ANAPC10: variants seen among roughly 807,000 people sequenced by gnomAD.
ANAPC10 encodes anaphase promoting complex subunit 10.
In ANAPC10, 12 loss-of-function variants were observed where a neutral mutation model predicts 22.0. The ratio of observed to expected loss-of-function variants is 0.55; its 90% CI spans 0.35 to 0.88. The LOEUF (loss-of-function observed/expected upper bound fraction) is 0.88. Among genes scored for constraint, ANAPC10 ranks in the 40% least tolerant of loss-of-function variants. The pLI, the probability that ANAPC10 is intolerant of heterozygous loss-of-function variation, is 0.01. For missense variants in ANAPC10, 188 were observed against 220.9 expected (o/e 0.85, Z 0.94); for synonymous variants, 65 against 69.5 (o/e 0.94, Z 0.32).
intron 4 of ANAPC10, among the ~76,000 whole-genome samples, chr4:145,027,685 C>A (rs1278563893): frequency 6.6e-6 from 1 of 152,158 alleles, no homozygotes; most frequent in African/African-American, 2.4e-5. Context: ...AACATTTACG[C>A]CAAAACTATG....
intron 2 of ANAPC10, among the ~76,000 whole-genome samples, chr4:145,095,544 C>T (rs1306753438): frequency 1.3e-5 from 2 of 152,198 alleles, no homozygotes; most frequent in African/African-American, 2.4e-5. Flanking sequence ...GCTCCTCCTT[C>T]TGAAGTATTG....
intron 4 of ANAPC10, among the ~76,000 whole-genome samples, chr4:145,045,504 A>G (rs1740168854): frequency 6.6e-6 from 1 of 152,156 alleles, no homozygotes; most frequent in African/African-American, 2.4e-5. Flanking sequence ...ACTGGATTAC[A>G]GAATACTGCC....
chr4:145,005,034 T>C (rs893395481), intron 4 of ANAPC10, among the ~76,000 whole-genome samples: 1 of 152,184 alleles, frequency 6.6e-6, no homozygotes, highest in African/African-American at 2.4e-5. Flanking sequence ...TTGATCTGTT[T>C]AGGGATTCAA....
At chr4:144,995,903 G>A (rs1215820881) in intron 4 of ANAPC10, among the ~76,000 whole-genome samples, 1 of 152,178 alleles carries the variant, frequency 6.6e-6, no homozygotes, top group African/African-American at 2.4e-5. Context: ...ACACTAGAAA[G>A]TACATGTCTC....
Position 145,054,604 on chromosome 4 carries a change from A to AGTGT in ANAPC10, c.327+9964_327+9967dup, listed in dbSNP as rs70956823. 2.9e-3 allele frequency among the ~76,000 whole-genome samples: 374 copies of AGTGT among 128,314 alleles called. 2 individuals carry two copies. Among genetic ancestry groups the AGTGT allele is most frequent in the African/African-American group, 0.01 (339 of 33,506 alleles). 84.2% of individuals were successfully genotyped at this position (128,314 alleles called of 152,430 possible). A position where few individuals can be genotyped will look rare whatever the true frequency, so the allele number is the denominator to read the frequency against. ...CACAGGATGAGGGGACATACTGAAT[A>AGTGT]GTGTGTGTGTGTGTGTGTGTGTGTG... On this transcript the variant is annotated intron_variant, in intron 4 of 4. Coordinates refer to ENST00000507656, the MANE Select transcript of ANAPC10 (RefSeq NM_001256706.2).
intron 4 of ANAPC10, among the ~76,000 whole-genome samples, chr4:145,015,202 GA>G (rs768112782): frequency 3.3e-5 from 5 of 151,928 alleles, no homozygotes; most frequent in Admixed American, 6.6e-5. Flanking sequence ...TACAAGAAGT[GA>G]AAGGAGAGAT....
At chr4:145,015,223 AATAG>A (rs1734923458) in intron 4 of ANAPC10, among the ~76,000 whole-genome samples, 2 of 152,186 alleles carry the variant, frequency 1.3e-5, no homozygotes, top group East Asian at 1.9e-4. Context: ...TATTCAAGGA[AATAG>A]ATAGCATAAA....
intron 4 of ANAPC10, among the ~76,000 whole-genome samples, chr4:145,034,117 T>C (rs1738060778): frequency 6.6e-6 from 1 of 152,124 alleles, no homozygotes; most frequent in South Asian, 2.1e-4. Context: ...TACATATAGG[T>C]TCAAGTTGAC....
At chr4:145,033,683 CT>C (rs1737982887) in intron 4 of ANAPC10, among the ~76,000 whole-genome samples, 1 of 152,116 alleles carries the variant, frequency 6.6e-6, no homozygotes, top group Non-Finnish European at 1.5e-5. Flanking sequence ...AGGAACAAAG[CT>C]TTGGGTCACT....
intron 4 of ANAPC10, among the ~76,000 whole-genome samples, chr4:145,046,592 ATTC>A (rs1560871572): frequency 6.6e-6 from 1 of 152,080 alleles, no homozygotes; most frequent in African/African-American, 2.4e-5. Context: ...AAATTGCTAA[ATTC>A]TTGCTTTACA....
At chr4:145,074,104 GC>G (rs1343367012) in intron 3 of ANAPC10, among the ~76,000 whole-genome samples, 1 of 151,418 alleles carries the variant, frequency 6.6e-6, no homozygotes, top group East Asian at 1.9e-4. Flanking sequence ...AAGAGAATTA[GC>G]CCTTTACAAA....
At chr4:145,067,026 A>T (rs1743803271) in intron 3 of ANAPC10, among the ~76,000 whole-genome samples, 1 of 145,710 alleles carries the variant, frequency 6.9e-6, no homozygotes, top group Non-Finnish European at 1.6e-5. Flanking sequence ...TACCCACAGA[A>T]ATCGTACGTA....
chr4:145,094,800 A>G (rs1190525394), intron 2 of ANAPC10, among the ~76,000 whole-genome samples: 2 of 145,264 alleles, frequency 1.4e-5, no homozygotes, highest in Admixed American at 6.8e-5. Flanking sequence ...GTTACTTAGG[A>G]AAAAAAAAAA....
chr4:145,089,454 A>G (rs1023948818), intron 2 of ANAPC10, among the ~76,000 whole-genome samples: 7 of 152,166 alleles, frequency 4.6e-5, no homozygotes, highest in Non-Finnish European at 1.0e-4. Flanking sequence ...TCAACATTGG[A>G]TTAATTTGGT....
chr4:145,093,383 T>G (rs1747987153), intron 2 of ANAPC10, among the ~76,000 whole-genome samples: 1 of 151,984 alleles, frequency 6.6e-6, no homozygotes, highest in Non-Finnish European at 1.5e-5. Context: ...GGCACCCATT[T>G]CAAGGTGTAA....
intron 4 of ANAPC10, among the ~76,000 whole-genome samples, chr4:145,045,505 G>C (rs2127164109): frequency 6.6e-6 from 1 of 152,190 alleles, no homozygotes; most frequent in African/African-American, 2.4e-5. Context: ...CTGGATTACA[G>C]AATACTGCCA....
At chr4:145,039,247 A>G (rs1579000163) in intron 4 of ANAPC10, among the ~76,000 whole-genome samples, 1 of 152,268 alleles carries the variant, frequency 6.6e-6, no homozygotes, top group Non-Finnish European at 1.5e-5. Flanking sequence ...TTTTCAAACT[A>G]GAATTCCACA....
chr4:145,033,699 C>A (rs1016389263), intron 4 of ANAPC10, among the ~76,000 whole-genome samples: 9 of 152,070 alleles, frequency 5.9e-5, no homozygotes, highest in Admixed American at 5.9e-4. Flanking sequence ...GTCACTCCAC[C>A]AGGAAAAAAA....
At chr4:145,059,378 A>C (rs1429487917) in intron 4 of ANAPC10, among the ~76,000 whole-genome samples, 4 of 152,170 alleles carry the variant, frequency 2.6e-5, no homozygotes, top group Non-Finnish European at 5.9e-5. Context: ...ATGGGAAAAC[A>C]TTACAGCTCT....
Sources: allele counts gnomAD v4.1 joint callset (sites outside exome capture counted in the v4.1 genomes callset), GRCh38; gene constraint gnomAD v4.1.1; transcripts MANE v1.5; gene names NCBI Gene and HGNC (gene_info 2026-07-23, HGNC 2026-07-21).